Variants in ANK3 observed in about 807,000 individuals in gnomAD.
ANK3 encodes the protein ankyrin 3, also known as ankyrin-3.
In ANK3, 57 loss-of-function variants were observed where a neutral mutation model predicts 370.9. The ratio of observed to expected loss-of-function variants is 0.15; its 90% confidence interval spans 0.12 to 0.19. The LOEUF (loss-of-function observed/expected upper bound fraction) is 0.19. Ranked by LOEUF, ANK3 falls within the 10% of genes least tolerant of loss-of-function variation. The pLI is 1.00. For missense variants in ANK3, 4,439 were observed against 5,302.1 expected (o/e 0.84, Z 5.06); for synonymous variants, 1,929 against 1,946.3 (o/e 0.99, Z 0.23).
At chr10:60,566,324 T>G (rs2077459850) in intron 2 of ANK3, among the ~76,000 whole-genome samples, 1 of 152,154 alleles carries the variant, frequency 6.6e-6, no homozygotes, top group African/African-American at 2.4e-5. Flanking sequence ...CTTTAAATGT[T>G]CAAGGGAAGG....
intron 1 of ANK3, among the ~76,000 whole-genome samples, chr10:60,289,369 C>T (rs894002603): frequency 1.3e-5 from 2 of 150,384 alleles, no homozygotes; most frequent in African/African-American, 2.5e-5. Flanking sequence ...ATGCCACCCT[C>T]TTTCTTCTTC....
chr10:60,043,942 A>G (rs2076534448), intron 42 of ANK3: 1 of 985,752 alleles, frequency 1.0e-6, no homozygotes, highest in Non-Finnish European at 1.2e-6. Context: ...CCCTGATCAA[A>G]TGCATAAGAT....
chr10:60,664,586 A>G (rs1345088311), intron 1 of ANK3, among the ~76,000 whole-genome samples: 1 of 152,186 alleles, frequency 6.6e-6, no homozygotes, highest in Non-Finnish European at 1.5e-5. Context: ...AAACAAACCA[A>G]TGCAGGCCAA....
At chr10:60,495,532 A>C (rs898156245) in intron 2 of ANK3, among the ~76,000 whole-genome samples, 2 of 152,202 alleles carry the variant, frequency 1.3e-5, no homozygotes, top group African/African-American at 4.8e-5. Context: ...AGCTAGTCTC[A>C]GAATTCGAGT....
chr10:60,108,807 T>A (rs764128692), intron 27 of ANK3, 23 bp downstream of exon 27: 1 of 1,604,920 alleles, frequency 6.2e-7, no homozygotes. Flanking sequence ...AGGGCCAAGG[T>A]TAAAATTGAC....
At chr10:60,301,875 C>T (rs575956660) in intron 1 of ANK3, among the ~76,000 whole-genome samples, 1 of 152,102 alleles carries the variant, frequency 6.6e-6, no homozygotes, top group Admixed American at 6.6e-5. Flanking sequence ...ATTATAACAA[C>T]CTTCATTTAT....
intron 1 of ANK3, among the ~76,000 whole-genome samples, chr10:60,719,454 C>T (rs2079833254): frequency 6.6e-6 from 1 of 152,034 alleles, no homozygotes; most frequent in Non-Finnish European, 1.5e-5. Flanking sequence ...AAAAGTTGTA[C>T]CAATTGATGC....
intron 1 of ANK3, among the ~76,000 whole-genome samples, chr10:60,626,519 C>T (rs756094658): frequency 2.9e-4 from 44 of 152,218 alleles, no homozygotes; most frequent in Non-Finnish European, 4.9e-4. Context: ...AAAGAAATAG[C>T]TAAATTTTCA....
intron 1 of ANK3, among the ~76,000 whole-genome samples, chr10:60,615,927 T>C (rs1205424202): frequency 6.6e-6 from 1 of 152,160 alleles, no homozygotes; most frequent in African/African-American, 2.4e-5. Flanking sequence ...TCATTTCCTA[T>C]CAGAATATAG....
At chr10:60,127,699 AC>A (rs1474561949) in intron 25 of ANK3, among the ~76,000 whole-genome samples, 5 of 117,490 alleles carry the variant, frequency 4.3e-5, no homozygotes, top group Admixed American at 3.7e-4. Flanking sequence ...AGTTTTTCAT[AC>A]TTTTTTTTTT....
chr10:60,537,339 G>C (rs572016309), intron 2 of ANK3, among the ~76,000 whole-genome samples: 1 of 152,084 alleles, frequency 6.6e-6, no homozygotes, highest in Non-Finnish European at 1.5e-5. Context: ...TGCATACCTA[G>C]TTTTAGATTT....
chr10:60,279,171 C>T (rs2098129079), intron 2 of ANK3, 23 bp from the exon 3 acceptor site: 2 of 1,605,342 alleles, frequency 1.2e-6, no homozygotes, highest in Middle Eastern at 1.7e-4. Context: ...AAAGGAAAAG[C>T]TCTACTCAGC....
At chr10:60,180,958 G>A (rs1484171804) in intron 18 of ANK3, among the ~76,000 whole-genome samples, 5 of 152,038 alleles carry the variant, frequency 3.3e-5, no homozygotes, top group African/African-American at 4.8e-5. Flanking sequence ...CGAACGTAGA[G>A]GTCACAAATT....
At chr10:60,188,389 A>T (rs1388063469) in intron 16 of ANK3, among the ~76,000 whole-genome samples, 1 of 152,206 alleles carries the variant, frequency 6.6e-6, no homozygotes, top group Non-Finnish European at 1.5e-5. Flanking sequence ...CATAAACCTG[A>T]GTATGTAAAA....
chr10:60,132,512 G>A (rs781433233), intron 25 of ANK3, among the ~76,000 whole-genome samples: 1 of 152,098 alleles, frequency 6.6e-6, no homozygotes, highest in Non-Finnish European at 1.5e-5. Context: ...GGCCTCCCCA[G>A]CCATGTGGAA....
chr10:60,240,308 T>TA (rs1565920200), intron 7 of ANK3, among the ~76,000 whole-genome samples: 13 of 79,228 alleles, frequency 1.6e-4, no homozygotes, highest in African/African-American at 3.3e-4. Context: ...ATATATATAT[T>TA]TTTTTTTCTT....
At chr10:60,413,944 C>A (rs2063609875) in intron 2 of ANK3, among the ~76,000 whole-genome samples, 1 of 152,140 alleles carries the variant, frequency 6.6e-6, no homozygotes, top group Admixed American at 6.5e-5. Context: ...ATGCAGTGAG[C>A]TATGATGGTG....
chr10:60,166,106 G>GT (rs71866884), intron 23 of ANK3, among the ~76,000 whole-genome samples: 29 of 148,418 alleles, frequency 2.0e-4, no homozygotes, highest in African/African-American at 3.0e-4. Flanking sequence ...TATTTCAAAA[G>GT]TTTTTTTTTT....
In ANK3 at chr10:60,070,709, G is replaced by T; in HGVS notation, c.10172C>A (p.Ser3391Tyr). The change falls in exon 37 of 44, where the codon TCC becomes TAC. Residue 3391 changes from serine (S) to tyrosine (Y), a missense_variant. Around this residue, in one of 13 missense-constraint regions of ANK3, gnomAD observed 1,601 missense variants for 1,731.7 expected, o/e 0.92. Transcript: ENST00000280772. This position sits in a 1 kb window ranked among gnomAD's most constrained non-coding sequence, Gnocchi z 5.7. ...EIAQNGNNDQ[S>Y]ITECSIATTA... Reference sequence around the variant, plus strand: ...GGTGGCAATGGAACACTCTGTGATGGACTGGTCGTTGTTCCCATTCTGGGC... The same window carrying T: ...GGTGGCAATGGAACACTCTGTGATGTACTGGTCGTTGTTCCCATTCTGGGC... 6.2e-7 allele frequency: 1 copy of T among 1,614,170 alleles called. No homozygotes were observed. The highest frequency in any genetic ancestry group is 8.5e-7 in the Non-Finnish European group (1 of 1,180,016).
Sources: gnomAD v4.1 joint callset for allele counts (sites outside exome capture counted in the v4.1 genomes callset) on GRCh38, gnomAD v4.1.1 for gene constraint, gnomAD v4.1.1 regional missense constraint, Gnocchi (gnomAD v3.1) non-coding constraint, MANE v1.5 for transcripts, NCBI Gene and HGNC (gene_info 2026-07-23, HGNC 2026-07-21) for gene names.